UFSP2: variants seen among roughly 807,000 people sequenced by gnomAD.
UFSP2 encodes UFM1 specific peptidase 2, also known as ufm1-specific protease 2.
A neutral mutation model predicts 60.2 loss-of-function variants in UFSP2; 43 were observed. That is an observed-to-expected ratio of 0.71 (90% CI 0.56 to 0.92). The LOEUF (loss-of-function observed/expected upper bound fraction) is 0.92, where lower values mean the gene tolerates loss of function less well. Among genes scored for constraint, UFSP2 ranks in the 40% least tolerant of loss-of-function variants. The pLI is 0.00. For missense variants in UFSP2, 520 were observed against 575.0 expected (o/e 0.90, Z 0.98); for synonymous variants, 183 against 195.1 (o/e 0.94, Z 0.52).
At position 185,399,555 on chromosome 4, in the gene UFSP2, T is replaced by C; in HGVS notation, c.*837A>G. 6.2e-7 allele frequency: 1 copy of C among 1,613,840 alleles called. No individual in the cohort carries two copies. The highest frequency in any genetic ancestry group is 8.5e-7 in the Non-Finnish European group (1 of 1,179,770). On this transcript the variant is annotated 3_prime_UTR_variant, in exon 12 of 12. Coordinates refer to ENST00000264689, the MANE Select transcript of UFSP2 (RefSeq NM_018359.5). Reference sequence around the variant, plus strand: ...TTCAATGTTTCATTTCACTCCGTTTTTATCCTGTTTTCAGTTTATGTAATA... The same window carrying C: ...TTCAATGTTTCATTTCACTCCGTTTCTATCCTGTTTTCAGTTTATGTAATA...
intron 2 of UFSP2, among the ~76,000 whole-genome samples, chr4:185,419,212 A>G (rs1396879080): frequency 6.6e-6 from 1 of 151,958 alleles, no homozygotes; most frequent in Non-Finnish European, 1.5e-5. Context: ...GCTCACTGCA[A>G]GCTCCGCCTC....
chr4:185,425,918 G>A lies in UFSP2; in HGVS notation c.-50C>T, dbSNP rs1161251666. 6.3e-7 allele frequency: 1 copy of A among 1,575,626 alleles called. No individual in the cohort carries two copies. Among genetic ancestry groups the A allele is most frequent in the Non-Finnish European group, 8.6e-7 (1 of 1,160,914 alleles). ...GCGCTGACGCCTGCCCAAAAGTTCC[G>A]GGGGCCGGCCCTGAAGTGGTGTCAC... On this transcript the variant is annotated 5_prime_UTR_variant, in exon 1 of 12. Transcript: ENST00000264689.
In UFSP2 at chr4:185,418,584, C is replaced by G; in HGVS notation, c.266+3G>C. 1.2e-6 allele frequency: 2 copies of G among 1,612,618 alleles called. No homozygotes were observed. The highest frequency in any genetic ancestry group is 4.5e-5 in the East Asian group (2 of 44,830). On this transcript the variant is annotated splice_donor_region_variant and intron_variant, in intron 3 of 11. Transcript: ENST00000264689. ...ATTTCTAGAAATCTTCAAACATACTCACTGAATAAAGCGCAGTATGTTCTT... is the reference window on the plus strand; with the variant it reads ...ATTTCTAGAAATCTTCAAACATACTGACTGAATAAAGCGCAGTATGTTCTT...
Position 185,399,609 on chromosome 4 carries a change from T to C in UFSP2, c.*783A>G. Reference sequence around the variant, plus strand: ...ACGGGCAAACAGCTGAAGATCTCGCTTGGTCATGTGGATTTCCAGACTGTG... The same window carrying C: ...ACGGGCAAACAGCTGAAGATCTCGCCTGGTCATGTGGATTTCCAGACTGTG... On this transcript the variant is annotated 3_prime_UTR_variant, in exon 12 of 12. Coordinates refer to ENST00000264689, the MANE Select transcript of UFSP2 (RefSeq NM_018359.5). 1 of 1,614,242 alleles carries C rather than the reference T, an allele frequency of 6.2e-7. No homozygotes were observed. Among genetic ancestry groups the C allele is most frequent in the East Asian group, 2.2e-5 (1 of 44,892 alleles).
In UFSP2 at chr4:185,407,970, A is replaced by G. The variant is rs148801190; in HGVS notation, c.1087T>C (p.Leu363=). Residue 363 remains leucine (L), a synonymous_variant, in exon 9 of 12, where the codon TTG becomes CTG. Transcript: ENST00000264689. ...AGGATTTTTGACGTTATACCGATCA[A>G]TTGGTTTAGTACCAGCTGCACCTCA... ...SIEVQLVLNQ[L]IGITSKILFV... 4.5e-5 allele frequency: 72 copies of G among 1,614,174 alleles called. No individual in the cohort carries two copies. The highest frequency in any genetic ancestry group is 6.0e-5 in the Non-Finnish European group (71 of 1,180,032).
chr4:185,405,667 G>A, intron 10 of UFSP2, 113 bp downstream of exon 10: 7 of 1,228,864 alleles, frequency 5.7e-6, no homozygotes, highest in Non-Finnish European at 8.0e-6. Flanking sequence ...TGGTGTAAAA[G>A]TTAATTTCAA....
Position 185,399,986 on chromosome 4 carries a change from GTTT to G in UFSP2, c.*403_*405del. The G allele has an allele frequency of 6.3e-7, 1 of 1,597,692 alleles. No homozygotes were observed. Among genetic ancestry groups the G allele is most frequent in the Non-Finnish European group, 8.5e-7 (1 of 1,175,888 alleles). ...GGGATAAAACTCTTTTTAAAAAAAA[GTTT>G]TTAATGTTAACGTGTTTTTAAAAAC... On this transcript the variant is annotated 3_prime_UTR_variant, in exon 12 of 12. Transcript: ENST00000264689.
intron 9 of UFSP2, chr4:185,406,108 G>T: frequency 1.6e-6 from 1 of 614,628 alleles, no homozygotes; most frequent in Non-Finnish European, 2.6e-6. Flanking sequence ...TCTGCTTCTT[G>T]AACTGTATAA....
At chr4:185,413,901 G>GAAAAAA in intron 6 of UFSP2, 29 bp from the exon 7 acceptor site, 1 of 1,551,286 alleles carries the variant, frequency 6.4e-7, no homozygotes, top group Non-Finnish European at 8.7e-7. Flanking sequence ...AACAGAAAAA[G>GAAAAAA]AAAAAATGTT....
At chr4:185,410,945 C>CAAAAAAAAAA (rs374020176) in intron 7 of UFSP2, among the ~76,000 whole-genome samples, 3 of 113,916 alleles carry the variant, frequency 2.6e-5, no homozygotes, top group East Asian at 2.4e-4. Flanking sequence ...GACTCCATCT[C>CAAAAAAAAAA]AAAAAAAAAA....
intron 7 of UFSP2, among the ~76,000 whole-genome samples, chr4:185,410,084 C>G (rs1057327411): frequency 2.6e-5 from 4 of 151,876 alleles, no homozygotes; most frequent in Admixed American, 2.6e-4. Flanking sequence ...CAATAAATTT[C>G]AGAGTTAGTT....
chr4:185,424,098 T>TA, intron 1 of UFSP2, among the ~76,000 whole-genome samples: 1 of 150,246 alleles, frequency 6.7e-6, no homozygotes, highest in Non-Finnish European at 1.5e-5. Context: ...GCCCAGGAGT[T>TA]AGAGACCAGA....
rs1020067991 is a variant in UFSP2 at position 185,413,783 on chromosome 4, A to G, written c.774T>C (p.Asp258=). 1.2e-6 allele frequency: 2 copies of G among 1,613,550 alleles called. No homozygotes were observed. Among genetic ancestry groups the G allele is most frequent in the East Asian group, 2.2e-5 (1 of 44,754 alleles). ...AYHFPDEPYK[D]GYIRNPHTYL... ...AAGTATGTGGATTTCTAATGTAACC[A>G]TCTTTGTATGGCTCATCTGGAAAGT... is the stretch of plus-strand genomic sequence containing the variant. Residue 258 remains aspartate (D), a synonymous_variant, in exon 7 of 12, where the codon GAT becomes GAC. Coordinates refer to ENST00000264689, the MANE Select transcript of UFSP2 (RefSeq NM_018359.5).
At chr4:185,404,197 C>A (rs2095517141) in intron 10 of UFSP2, among the ~76,000 whole-genome samples, 1 of 151,990 alleles carries the variant, frequency 6.6e-6, no homozygotes, top group Non-Finnish European at 1.5e-5. Flanking sequence ...GCCATAAACT[C>A]CTCCCAACAG....
At chr4:185,409,303 TCTTA>T (rs2095525309) in intron 7 of UFSP2, among the ~76,000 whole-genome samples, 1 of 152,216 alleles carries the variant, frequency 6.6e-6, no homozygotes, top group Admixed American at 6.5e-5. Context: ...TCATATAAAT[TCTTA>T]CTTATAGTGC....
chr4:185,422,326 G>C (rs2153295320), intron 2 of UFSP2, among the ~76,000 whole-genome samples, 159 bp downstream of exon 2: 1 of 152,314 alleles, frequency 6.6e-6, no homozygotes, highest in East Asian at 1.9e-4. Flanking sequence ...GGGTGTGCTG[G>C]AACACAGTGT....
chr4:185,420,625 T>C (rs1170842423), intron 2 of UFSP2, among the ~76,000 whole-genome samples: 1 of 152,176 alleles, frequency 6.6e-6, no homozygotes, highest in African/African-American at 2.4e-5. Context: ...GAAAGCAGAA[T>C]TTAAAGATTT....
chr4:185,399,759 G>A lies in UFSP2; in HGVS notation c.*633C>T, dbSNP rs932698618. The A allele has an allele frequency of 6.2e-7, 1 of 1,614,052 alleles. No homozygotes were observed. ...TCGGAAGTGTAGAAAATACCAGTGGGAAAAGGAAGTGCTGGTAAGTAACTC... is the reference window on the plus strand; with the variant it reads ...TCGGAAGTGTAGAAAATACCAGTGGAAAAAGGAAGTGCTGGTAAGTAACTC... On this transcript the variant is annotated 3_prime_UTR_variant, in exon 12 of 12. Transcript: ENST00000264689.
At chr4:185,410,679 G>C (rs2095527681) in intron 7 of UFSP2, among the ~76,000 whole-genome samples, 1 of 150,096 alleles carries the variant, frequency 6.7e-6, no homozygotes, top group Admixed American at 6.7e-5. Context: ...GGGCGCAGTG[G>C]CTCACGCCTG....
Sources: gnomAD v4.1 joint callset for allele counts (sites outside exome capture counted in the v4.1 genomes callset) on GRCh38, gnomAD v4.1.1 for gene constraint, MANE v1.5 for transcripts, NCBI Gene and HGNC (gene_info 2026-07-23, HGNC 2026-07-21) for gene names.